Variants in JCAD observed in about 807,000 individuals in gnomAD.
JCAD encodes the protein junctional cadherin 5 associated.
A neutral mutation model predicts 98.0 loss-of-function variants in JCAD; 40 were observed. The observed-to-expected ratio is 0.41, with a 90% CI of 0.32 to 0.53. The LOEUF (loss-of-function observed/expected upper bound fraction) is 0.53. Ranked by LOEUF, JCAD falls within the 20% of genes least tolerant of loss-of-function variation. The probability of loss-of-function intolerance (pLI) is 0.31; values close to 1 mark genes in which losing one functional copy is unlikely to be tolerated. For synonymous variants in JCAD, 691 were observed against 682.3 expected (o/e 1.01, Z -0.20); for missense variants, 1,705 against 1,738.1 (o/e 0.98, Z 0.34).
chr10:30,067,912 T>C (rs1837813597), intron 2 of JCAD, among the ~76,000 whole-genome samples: 1 of 152,182 alleles, frequency 6.6e-6, no homozygotes, highest in South Asian at 2.1e-4. Flanking sequence ...CCGCAAACCA[T>C]GCAGCAAGTG....
In JCAD at chr10:30,027,481, C is replaced by T. The variant is rs1182408542; in HGVS notation, c.2667G>A (p.Arg889=). The T allele has an allele frequency of 1.9e-6, 3 of 1,607,082 alleles. No homozygotes were observed. The highest frequency in any genetic ancestry group is 2.5e-6 in the Non-Finnish European group (3 of 1,180,000). The change falls in exon 3 of 4, where the codon AGG becomes AGA. Residue 889 remains arginine (R), a synonymous_variant. Coordinates refer to ENST00000375377, the MANE Select transcript of JCAD (RefSeq NM_020848.4). ...CCCACATCCTCGGCTGTGGCTCAAC[C>T]CTCATTTCCGGGCTGTTTCCGCGGA... The part of the protein sequence containing the change: ...VGFRGNSPEM[R]VEPQPRMWVP...
intron 2 of JCAD, among the ~76,000 whole-genome samples, chr10:30,042,360 TCCC>T (rs1837259307): frequency 1.3e-5 from 2 of 151,540 alleles, no homozygotes; most frequent in African/African-American, 4.9e-5. Flanking sequence ...GTCCAGCCCC[TCCC>T]CTCTGATCGG....
At chr10:30,064,917 G>T (rs570740999) in intron 2 of JCAD, among the ~76,000 whole-genome samples, 1 of 152,154 alleles carries the variant, frequency 6.6e-6, no homozygotes, top group Admixed American at 6.5e-5. Flanking sequence ...TGATCCACCC[G>T]CCTTGGCCTC....
upstream of JCAD, among the ~76,000 whole-genome samples, chr10:30,064,452 C>T (rs78800090): frequency 0.035 from 5,281 of 152,200 alleles, 293 homozygotes; most frequent in African/African-American, 0.12. Context: ...GACCCACCTG[C>T]GGGTATTCTG....
chr10:30,029,043 C>T lies in JCAD; in HGVS notation c.1105G>A (p.Gly369Ser), dbSNP rs115668980. Residue 369 changes from glycine (G) to serine (S), a missense_variant, in exon 3 of 4, where the codon GGT becomes AGT. Gly to Ser is a moderately conservative substitution (Grantham distance 56). Coordinates refer to ENST00000375377, the MANE Select transcript of JCAD (RefSeq NM_020848.4). ...EDTVPINVCG[G>S]HSQQQSPTEK... ...GTCGGAGACTGCTGTTGACTGTGACCGCCACACACATTTATGGGCACCGTG... is the reference window on the plus strand; with the variant it reads ...GTCGGAGACTGCTGTTGACTGTGACTGCCACACACATTTATGGGCACCGTG... The T allele has an allele frequency of 9.6e-4, 1,556 of 1,614,024 alleles. 12 individuals are homozygous for T. In the African/African-American group the frequency reaches 0.018, roughly 18 times the overall value.
intron 1 of JCAD, among the ~76,000 whole-genome samples, chr10:30,084,859 A>G (rs1375332836): frequency 1.3e-5 from 2 of 151,994 alleles, no homozygotes; most frequent in Admixed American, 1.3e-4. Flanking sequence ...CCATCCATCC[A>G]TCTATCTATC....
chr10:30,078,961 G>T (rs1341230194), intron 1 of JCAD, among the ~76,000 whole-genome samples: 3 of 152,174 alleles, frequency 2.0e-5, no homozygotes, highest in Admixed American at 2.0e-4. Context: ...CAGTAGTGAA[G>T]GTAGGTAGGT....
intron 3 of JCAD, among the ~76,000 whole-genome samples, chr10:30,022,184 T>G (rs894639209): frequency 6.6e-6 from 1 of 152,136 alleles, no homozygotes; most frequent in African/African-American, 2.4e-5. Context: ...ACTAAAGACA[T>G]GTGAGCTGAA....
chr10:30,051,045 T>C (rs1252582273), intron 1 of JCAD, among the ~76,000 whole-genome samples: 1 of 152,208 alleles, frequency 6.6e-6, no homozygotes, highest in Non-Finnish European at 1.5e-5. Context: ...AGCTTCAAAG[T>C]TCAGGCTACT....
chr10:30,035,067 G>A (rs1013548664), intron 2 of JCAD, among the ~76,000 whole-genome samples: 2 of 152,144 alleles, frequency 1.3e-5, no homozygotes, highest in African/African-American at 2.4e-5. Context: ...TGATATTCGG[G>A]TTTCACAGTG....
At chr10:30,017,960 C>A (rs752239495) in intron 3 of JCAD, 43 bp from the exon 4 acceptor site, 7 of 1,483,618 alleles carry the variant, frequency 4.7e-6, no homozygotes, top group Non-Finnish European at 6.6e-6. Context: ...TTATATTCAA[C>A]TGCTCTATTT....
intron 1 of JCAD, among the ~76,000 whole-genome samples, chr10:30,105,687 T>C (rs1838563948): frequency 1.3e-5 from 2 of 152,198 alleles, no homozygotes; most frequent in Admixed American, 6.5e-5. Context: ...TAATGCAACA[T>C]AATTTTCATA....
chr10:30,035,555 T>G (rs1837089296), intron 2 of JCAD, among the ~76,000 whole-genome samples: 1 of 152,274 alleles, frequency 6.6e-6, no homozygotes, highest in Non-Finnish European at 1.5e-5. Context: ...AGAATGGCTC[T>G]TCTAGTAGCT....
intron 1 of JCAD, among the ~76,000 whole-genome samples, chr10:30,076,373 T>C (rs1201462656): frequency 6.6e-6 from 1 of 152,178 alleles, no homozygotes; most frequent in African/African-American, 2.4e-5. Flanking sequence ...AATCTGACAG[T>C]TATTTCAGAA....
At chr10:30,094,747 A>T (rs1256430298) in intron 1 of JCAD, among the ~76,000 whole-genome samples, 1 of 152,056 alleles carries the variant, frequency 6.6e-6, no homozygotes, top group East Asian at 1.9e-4. Context: ...CCCACTCCTA[A>T]CTTAGCTTCT....
chr10:30,030,126 T>C (rs1285091492), intron 2 of JCAD, among the ~76,000 whole-genome samples: 1 of 152,200 alleles, frequency 6.6e-6, no homozygotes, highest in Non-Finnish European at 1.5e-5. Context: ...TCCAGCGATG[T>C]CAAGGTCCTT....
intron 1 of JCAD, among the ~76,000 whole-genome samples, chr10:30,056,978 G>A (rs907118370): frequency 5.3e-5 from 8 of 152,168 alleles, no homozygotes; most frequent in Admixed American, 1.3e-4. Context: ...ACAAGAGCAA[G>A]GTTTTAATGA....
chr10:30,099,371 C>T (rs1173608596), intron 1 of JCAD, among the ~76,000 whole-genome samples: 1 of 152,126 alleles, frequency 6.6e-6, no homozygotes, highest in Non-Finnish European at 1.5e-5. Flanking sequence ...AGTCATTATG[C>T]CTCAGACTTT....
upstream of JCAD, among the ~76,000 whole-genome samples, chr10:30,062,992 A>C (rs1308757450): frequency 6.6e-6 from 1 of 152,188 alleles, no homozygotes; most frequent in African/African-American, 2.4e-5. Context: ...CCACTGGGCC[A>C]GTTTCCACAC....
Sources: gnomAD v4.1 joint callset for allele counts (sites outside exome capture counted in the v4.1 genomes callset) on GRCh38, gnomAD v4.1.1 for gene constraint, MANE v1.5 for transcripts, NCBI Gene and HGNC (gene_info 2026-07-23, HGNC 2026-07-21) for gene names.